RNF150: variants seen among roughly 807,000 people sequenced by gnomAD.
The protein encoded by RNF150 is ring finger protein 150.
A neutral mutation model predicts 39.3 loss-of-function variants in RNF150; 24 were observed. That is an observed-to-expected ratio of 0.61 (90% CI 0.44 to 0.86). The LOEUF is 0.86. Among genes scored for constraint, RNF150 ranks in the 40% least tolerant of loss-of-function variants. The pLI is 0.00. For missense variants in RNF150, 502 were observed against 587.8 expected (o/e 0.85, Z 1.51); for synonymous variants, 255 against 227.3 (o/e 1.12, Z -1.10).
chr4:140,863,517 T>C lies in RNF150; in HGVS notation c.*4744A>G, dbSNP rs1291203138. 1.3e-5 allele frequency: 2 copies of C among 152,160 alleles called. No individual in the cohort carries two copies. The highest frequency in any genetic ancestry group is 2.9e-5 in the Non-Finnish European group (2 of 68,020). 9.4% of individuals were successfully genotyped at this position (152,160 alleles called of 1,614,324 possible). ...GTAACAATGGTAATCACAATAATGATAATGACTCTGTAGGTATAGAACCTC... is the reference window on the plus strand; with the variant it reads ...GTAACAATGGTAATCACAATAATGACAATGACTCTGTAGGTATAGAACCTC... On this transcript the variant is annotated 3_prime_UTR_variant, in exon 7 of 7. Transcript: ENST00000515673.
intron 6 of RNF150, among the ~76,000 whole-genome samples, chr4:140,870,258 T>C (rs898037422): frequency 1.3e-5 from 2 of 152,142 alleles, no homozygotes; most frequent in African/African-American, 4.8e-5. Flanking sequence ...ATGTAACAGA[T>C]CAATGGTTAA....
intron 6 of RNF150, among the ~76,000 whole-genome samples, chr4:140,902,433 C>T (rs552362437): frequency 6.6e-6 from 1 of 152,186 alleles, no homozygotes; most frequent in South Asian, 2.1e-4. Flanking sequence ...TTTCTGAAGC[C>T]AAGTATACCA....
chr4:141,031,140 C>T (rs961725356), intron 1 of RNF150, among the ~76,000 whole-genome samples: 3 of 151,668 alleles, frequency 2.0e-5, no homozygotes, highest in Non-Finnish European at 4.4e-5. Flanking sequence ...CCAAAGATGC[C>T]AAGAACATAC....
chr4:141,011,488 G>C (rs1271185699), intron 1 of RNF150, among the ~76,000 whole-genome samples: 2 of 152,086 alleles, frequency 1.3e-5, no homozygotes, highest in African/African-American at 4.8e-5. Flanking sequence ...AAAAACAAAA[G>C]GTATAATATA....
In RNF150 at chr4:140,861,885, C is replaced by G. The variant is rs1728506293; in HGVS notation, c.*6376G>C. The G allele has an allele frequency of 6.6e-6, 1 of 152,158 alleles. No individual in the cohort carries two copies. The highest frequency in any genetic ancestry group is 2.1e-4 in the South Asian group (1 of 4,830). The allele number at this position is 152,158 out of a possible 1,614,324, so 9.4% of individuals were successfully genotyped here. On this transcript the variant is annotated 3_prime_UTR_variant, in exon 7 of 7. Coordinates refer to ENST00000515673, the MANE Select transcript of RNF150 (RefSeq NM_020724.2). Reference sequence around the variant, plus strand: ...ATGGTGTGGTACTAAGGCCACAATTCATTTTTTAGATTTCGGGATTTAGTA... The same window carrying G: ...ATGGTGTGGTACTAAGGCCACAATTGATTTTTTAGATTTCGGGATTTAGTA...
chr4:140,941,412 G>C (rs930791283), intron 4 of RNF150, among the ~76,000 whole-genome samples: 2 of 152,168 alleles, frequency 1.3e-5, no homozygotes, highest in Non-Finnish European at 2.9e-5. Context: ...CTTGTACAGA[G>C]TTAATATGAA....
chr4:141,085,650 A>T (rs1376574515), intron 1 of RNF150, among the ~76,000 whole-genome samples: 1 of 152,208 alleles, frequency 6.6e-6, no homozygotes, highest in African/African-American at 2.4e-5. Context: ...TTCCTGACCC[A>T]CAGAATCTGT....
intron 2 of RNF150, among the ~76,000 whole-genome samples, chr4:140,956,634 A>C (rs1468310083): frequency 6.6e-6 from 1 of 152,206 alleles, no homozygotes; most frequent in Non-Finnish European, 1.5e-5. Flanking sequence ...ATAAAAGATC[A>C]CACTACCTGA....
rs1003088276 is a variant in RNF150, at chr4:140,949,901, C to G, written c.736-529G>C. 2.2e-4 allele frequency among the ~76,000 whole-genome samples: 34 copies of G among 152,050 alleles called. 1 individual carries two copies. The highest frequency in any genetic ancestry group is 4.7e-4 in the Non-Finnish European group (32 of 68,008). On this transcript the variant is annotated intron_variant, in intron 2 of 6. Coordinates refer to ENST00000515673, the MANE Select transcript of RNF150 (RefSeq NM_020724.2). ...TCACATTCTCATGTGGCAATTTTAC[C>G]TCCTTTATGCATGTTTAAGTGTGAG...
chr4:140,891,791 TGA>T (rs1371593246), intron 6 of RNF150, among the ~76,000 whole-genome samples: 9 of 152,068 alleles, frequency 5.9e-5, no homozygotes, highest in African/African-American at 2.2e-4. Flanking sequence ...GGGTGGAGGG[TGA>T]GTGAGCATTA....
intron 1 of RNF150, among the ~76,000 whole-genome samples, chr4:141,067,090 G>A (rs1737491007): frequency 6.6e-6 from 1 of 152,058 alleles, no homozygotes; most frequent in South Asian, 2.1e-4. Flanking sequence ...AATCTTATGG[G>A]ACCACTGTCA....
chr4:141,202,820 A>G (rs1302734474), intron 1 of RNF150, among the ~76,000 whole-genome samples: 1 of 151,876 alleles, frequency 6.6e-6, no homozygotes, highest in Non-Finnish European at 1.5e-5. Flanking sequence ...TAGGGGTCAG[A>G]TCAGTACAAA....
chr4:141,049,204 A>G (rs1454286892), intron 1 of RNF150, among the ~76,000 whole-genome samples: 1 of 152,166 alleles, frequency 6.6e-6, no homozygotes, highest in Non-Finnish European at 1.5e-5. Context: ...ACCAATAAGT[A>G]TTAGAAATGG....
intron 1 of RNF150, among the ~76,000 whole-genome samples, chr4:141,000,095 G>GAAC (rs1425358752): frequency 7.9e-6 from 1 of 126,174 alleles, no homozygotes; most frequent in Admixed American, 8.4e-5. Flanking sequence ...AGGAGAAGAA[G>GAAC]AAGAAGAAGA....
At chr4:140,967,493 C>T (rs1048898165) in intron 2 of RNF150, 130 bp downstream of exon 2, 7 of 661,560 alleles carry the variant, frequency 1.1e-5, no homozygotes, top group Non-Finnish European at 1.8e-5. Context: ...AATGATACAG[C>T]AAATGTTAAC....
chr4:141,132,238 A>G lies in RNF150; in HGVS notation c.484+87T>C. 1 of 1,401,940 alleles carries G rather than the reference A, an allele frequency of 7.1e-7. No homozygotes were observed. 86.8% of individuals were successfully genotyped at this position (1,401,940 alleles called of 1,614,324 possible). On this transcript the variant is annotated intron_variant, in intron 1 of 6. Transcript: ENST00000515673. The surrounding 1 kb of genome is among the most constrained non-coding windows in gnomAD (Gnocchi z 4.9). ...GTCTTCCGCGCCGCACGGACTTCCC[A>G]GAAGGAGCCTGGAGGCAGGCGCTGG...
At chr4:141,198,820 G>T (rs1277960109) in intron 1 of RNF150, among the ~76,000 whole-genome samples, 3 of 152,134 alleles carry the variant, frequency 2.0e-5, no homozygotes, top group Non-Finnish European at 4.4e-5. Flanking sequence ...GAACAATTAA[G>T]TAGCTAAACA....
intron 1 of RNF150, among the ~76,000 whole-genome samples, chr4:141,047,735 C>G (rs935472203): frequency 6.6e-6 from 1 of 152,086 alleles, no homozygotes; most frequent in Non-Finnish European, 1.5e-5. Flanking sequence ...AGTAGCTGAG[C>G]CTGAAAGAAC....
At chr4:140,993,515 G>T (rs1325532757) in intron 1 of RNF150, among the ~76,000 whole-genome samples, 2 of 152,194 alleles carry the variant, frequency 1.3e-5, no homozygotes, top group African/African-American at 4.8e-5. Flanking sequence ...AGTGAAAGTA[G>T]CAGCGAGAGA....
Sources: gnomAD v4.1 joint callset for allele counts (sites outside exome capture counted in the v4.1 genomes callset) on GRCh38, gnomAD v4.1.1 for gene constraint, Gnocchi (gnomAD v3.1) non-coding constraint, MANE v1.5 for transcripts, NCBI Gene and HGNC (gene_info 2026-07-23, HGNC 2026-07-21) for gene names.